Variants in CNTNAP2 observed in about 807,000 individuals in gnomAD.
CNTNAP2 encodes contactin associated protein 2.
CNTNAP2 carries 98 observed loss-of-function variants against 155.2 expected under a neutral mutation model. That is an observed-to-expected ratio of 0.63 (90% CI 0.54 to 0.75). The LOEUF is 0.75. CNTNAP2 is among the 30% of genes least tolerant of loss of function. CNTNAP2 has a pLI of 0.00. For missense variants in CNTNAP2, 1,727 were observed against 1,688.1 expected (o/e 1.02, Z -0.40); for synonymous variants, 651 against 631.2 (o/e 1.03, Z -0.47).
chr7:147,054,569 T>G (rs111629599), intron 4 of CNTNAP2, among the ~76,000 whole-genome samples: 34 of 152,258 alleles, frequency 2.2e-4, no homozygotes, highest in African/African-American at 5.8e-4. Flanking sequence ...GCAATAAAAT[T>G]TAAAATGCTG....
At chr7:146,703,585 A>T (rs892023797) in intron 1 of CNTNAP2, among the ~76,000 whole-genome samples, 31 of 152,150 alleles carry the variant, frequency 2.0e-4, no homozygotes, top group African/African-American at 7.0e-4. Context: ...GAGGCCAGGA[A>T]GTCCAAGATC....
At chr7:146,191,619 G>A (rs1247989414) in intron 1 of CNTNAP2, among the ~76,000 whole-genome samples, 2 of 152,212 alleles carry the variant, frequency 1.3e-5, no homozygotes, top group South Asian at 2.1e-4. Flanking sequence ...AACCGTATAA[G>A]ACAGACACTC....
intron 1 of CNTNAP2, among the ~76,000 whole-genome samples, chr7:146,694,097 C>G (rs1800743509): frequency 6.6e-6 from 1 of 151,980 alleles, no homozygotes; most frequent in Non-Finnish European, 1.5e-5. Flanking sequence ...AGAGAAAAAT[C>G]ATACATTGTT....
chr7:147,796,719 T>A (rs1438824284), intron 13 of CNTNAP2, among the ~76,000 whole-genome samples: 7 of 152,150 alleles, frequency 4.6e-5, no homozygotes, highest in Non-Finnish European at 1.0e-4. Context: ...CAAGCACAGC[T>A]GGGCAAGGAT....
chr7:146,817,818 A>G (rs112115016), intron 2 of CNTNAP2, among the ~76,000 whole-genome samples: 7 of 152,292 alleles, frequency 4.6e-5, no homozygotes, highest in African/African-American at 1.4e-4. Context: ...CTTCACCTCC[A>G]ACATTGCGGA....
chr7:147,624,957 A>G (rs1295201391), intron 12 of CNTNAP2, among the ~76,000 whole-genome samples: 1 of 152,178 alleles, frequency 6.6e-6, no homozygotes, highest in African/African-American at 2.4e-5. Flanking sequence ...ATTTGCAACA[A>G]CATGGATGGA....
At chr7:147,364,906 G>GT (rs1375570605) in intron 9 of CNTNAP2, among the ~76,000 whole-genome samples, 1 of 151,774 alleles carries the variant, frequency 6.6e-6, no homozygotes, top group African/African-American at 2.4e-5. Flanking sequence ...TTTTAAAAAT[G>GT]TTTAATTTTG....
At chr7:147,265,360 T>G (rs1804583051) in intron 8 of CNTNAP2, among the ~76,000 whole-genome samples, 1 of 152,190 alleles carries the variant, frequency 6.6e-6, no homozygotes, top group African/African-American at 2.4e-5. Context: ...AAGAGGTAGT[T>G]CCTACATTTC....
intron 17 of CNTNAP2, among the ~76,000 whole-genome samples, chr7:148,158,787 C>T (rs1057069453): frequency 3.3e-5 from 5 of 152,130 alleles, no homozygotes; most frequent in Non-Finnish European, 5.9e-5. Flanking sequence ...TTTAATGTAA[C>T]GGTACCACTT....
At chr7:146,780,843 C>A (rs1192632402) in intron 2 of CNTNAP2, among the ~76,000 whole-genome samples, 1 of 151,836 alleles carries the variant, frequency 6.6e-6, no homozygotes, top group African/African-American at 2.4e-5. Context: ...GACACAGGGA[C>A]GGGAACATAA....
chr7:146,744,342 C>G (rs982733899), intron 1 of CNTNAP2, among the ~76,000 whole-genome samples: 1 of 151,238 alleles, frequency 6.6e-6, no homozygotes, highest in Non-Finnish European at 1.5e-5. Context: ...TAGAAGCTAC[C>G]ATCAAAATTA....
At position 146,144,613 on chromosome 7, in the gene CNTNAP2, T is replaced by C. The variant is rs547772759; in HGVS notation, c.97+27640T>C. 1.2e-4 allele frequency among the ~76,000 whole-genome samples: 19 copies of C among 152,346 alleles called. No homozygotes were observed. In the East Asian group the frequency reaches 2.5e-3, roughly 20 times the overall value. On this transcript the variant is annotated intron_variant, in intron 1 of 23. Coordinates refer to ENST00000361727, the MANE Select transcript of CNTNAP2 (RefSeq NM_014141.6). ...GCTATTGCTGAATGGGCTGTTGTTA[T>C]AGCCATTGTTATTCATTGACATTTC...
intron 11 of CNTNAP2, among the ~76,000 whole-genome samples, chr7:147,503,527 C>T (rs531562896): frequency 9.2e-5 from 14 of 152,236 alleles, no homozygotes; most frequent in African/African-American, 3.4e-4. Flanking sequence ...TGTGCTTTCC[C>T]AGCTCCGTTA....
intron 1 of CNTNAP2, among the ~76,000 whole-genome samples, chr7:146,476,562 A>T (rs1796879919): frequency 6.6e-6 from 1 of 152,152 alleles, no homozygotes; most frequent in Non-Finnish European, 1.5e-5. Context: ...TTGAACGTAG[A>T]GTTGTACACA....
intron 12 of CNTNAP2, among the ~76,000 whole-genome samples, chr7:147,614,864 C>G (rs1399266255): frequency 1.3e-5 from 2 of 151,484 alleles, no homozygotes; most frequent in Admixed American, 1.3e-4. Context: ...GGTGCCTTTT[C>G]TTAATGTACT....
In CNTNAP2 at chr7:146,759,681, C is replaced by CAAAA. The variant is rs376817827; in HGVS notation, c.98-14563_98-14560dup. 1.5e-3 allele frequency among the ~76,000 whole-genome samples: 84 copies of CAAAA among 54,636 alleles called. 1 individual carries two copies. Among genetic ancestry groups the CAAAA allele is most frequent in the African/African-American group, 3.3e-3 (79 of 24,150 alleles). The allele number at this position is 54,636 out of a possible 152,430, so 35.8% of individuals were successfully genotyped here. A position where few individuals can be genotyped will look rare whatever the true frequency, so the allele number is the denominator to read the frequency against. ...CATCCTGGCAACACAGTGAGACTGT[C>CAAAA]AAAAAAAAAAAAAAAAAAAAAAAAA... is the stretch of plus-strand genomic sequence containing the variant. On this transcript the variant is annotated intron_variant, in intron 1 of 23. Coordinates refer to ENST00000361727, the MANE Select transcript of CNTNAP2 (RefSeq NM_014141.6).
At chr7:147,833,463 T>C (rs1411106435) in intron 13 of CNTNAP2, among the ~76,000 whole-genome samples, 2 of 152,078 alleles carry the variant, frequency 1.3e-5, no homozygotes, top group African/African-American at 4.8e-5. Context: ...GAAGAAGGGA[T>C]CTGATGTGGG....
At chr7:147,143,520 G>T (rs1479912161) in intron 8 of CNTNAP2, among the ~76,000 whole-genome samples, 1 of 151,872 alleles carries the variant, frequency 6.6e-6, no homozygotes, top group Non-Finnish European at 1.5e-5. Context: ...CCACCTCTGA[G>T]TTTAGCACAA....
chr7:146,779,859 A>G (rs777728625), intron 2 of CNTNAP2, among the ~76,000 whole-genome samples: 1 of 152,212 alleles, frequency 6.6e-6, no homozygotes, highest in African/African-American at 2.4e-5. Context: ...TTGCGGTCAC[A>G]TAATTAATAA....
Sources: gnomAD v4.1 joint callset for allele counts (sites outside exome capture counted in the v4.1 genomes callset) on GRCh38, gnomAD v4.1.1 for gene constraint, MANE v1.5 for transcripts, NCBI Gene and HGNC (gene_info 2026-07-23, HGNC 2026-07-21) for gene names.